The following ATG7 variants were observed in gnomAD, a reference collection of about 807,000 sequenced individuals.
ATG7 encodes autophagy related 7, also known as ubiquitin-like modifier-activating enzyme ATG7.
In ATG7, 70 loss-of-function variants were observed where a neutral mutation model predicts 82.4. That is an observed-to-expected ratio of 0.85 (90% CI 0.70 to 1.04). The LOEUF (loss-of-function observed/expected upper bound fraction) is 1.04, where lower values mean the gene tolerates loss of function less well. Among genes scored for constraint, ATG7 ranks in the 50% least tolerant of loss-of-function variants. The pLI is 0.00. For missense variants in ATG7, 792 were observed against 864.3 expected (o/e 0.92, Z 1.05); for synonymous variants, 287 against 313.0 (o/e 0.92, Z 0.88).
chr3:11,291,154 T>G (rs77117351), intron 3 of ATG7, among the ~76,000 whole-genome samples: 3,024 of 152,318 alleles, frequency 0.02, 101 homozygotes, highest in East Asian at 0.07. Flanking sequence ...CATTTGTCCT[T>G]GAAGAGAAAG....
chr3:11,431,393 A>T (rs374622174), intron 20 of ATG7, among the ~76,000 whole-genome samples: 2 of 152,166 alleles, frequency 1.3e-5, no homozygotes, highest in South Asian at 2.1e-4. Flanking sequence ...CGGGGGGAAA[A>T]AAACAACCAC....
At chr3:11,293,145 C>T (rs1199735429) in intron 3 of ATG7, among the ~76,000 whole-genome samples, 4 of 152,124 alleles carry the variant, frequency 2.6e-5, no homozygotes, top group Admixed American at 2.6e-4. Context: ...TAAGTCCTGG[C>T]TTTAAAGGAC....
intron 20 of ATG7, among the ~76,000 whole-genome samples, chr3:11,441,611 A>C (rs1354956172): frequency 6.6e-6 from 1 of 151,116 alleles, no homozygotes; most frequent in Non-Finnish European, 1.5e-5. Flanking sequence ...TTCTGTACCC[A>C]AATATTGGTT....
chr3:11,556,869 G>A lies in ATG7; in HGVS notation c.*2026G>A, dbSNP rs532083410. 2.0e-5 allele frequency: 3 copies of A among 152,910 alleles called. No individual in the cohort carries two copies. The highest frequency in any genetic ancestry group is 7.2e-5 in the African/African-American group (3 of 41,582). The allele number at this position is 152,910 out of a possible 1,614,324, so 9.5% of individuals were successfully genotyped here. A position where few individuals can be genotyped will look rare whatever the true frequency, so the allele number is the denominator to read the frequency against. ...CCAGTACAGTGGGAGTGAAATGTGT[G>A]CGGGGCAAGGAGAAGGGCTTTTCTT... On this transcript the variant is annotated 3_prime_UTR_variant, in exon 21 of 21. Transcript: ENST00000693202.
chr3:11,472,541 G>T (rs1255478452), intron 20 of ATG7, among the ~76,000 whole-genome samples: 2 of 152,180 alleles, frequency 1.3e-5, no homozygotes, highest in Non-Finnish European at 2.9e-5. Context: ...GAGCCAGGGA[G>T]AAATTGGTGA....
chr3:11,361,241 A>G lies in ATG7; in HGVS notation c.1683+457A>G, dbSNP rs530420147. Among the ~76,000 whole-genome samples the G allele has an allele frequency of 1.2e-4, 19 of 152,230 alleles. No homozygotes were observed. The South Asian group carries it at 3.5e-3, about 28-fold the overall frequency. On this transcript the variant is annotated intron_variant, in intron 16 of 20. Coordinates refer to ENST00000693202, the MANE Select transcript of ATG7 (RefSeq NM_001349232.2). ...GGCTTGTCAGATTTAGTAAGTAAAA[A>G]TATAGGATTCCCAGCTAACTTTGAA...
intron 20 of ATG7, among the ~76,000 whole-genome samples, chr3:11,441,396 C>A (rs1465390933): frequency 9.9e-5 from 15 of 151,958 alleles, no homozygotes; most frequent in Admixed American, 9.8e-4. Context: ...TGCATGCCAC[C>A]ACACCCAGTT....
chr3:11,561,172 G>A (rs946359593), downstream of ATG7, among the ~76,000 whole-genome samples: 2 of 152,138 alleles, frequency 1.3e-5, no homozygotes, highest in African/African-American at 2.4e-5. Flanking sequence ...GTGCTCAGCC[G>A]GCTTGTTCTT....
intron 19 of ATG7, among the ~76,000 whole-genome samples, chr3:11,408,544 G>A (rs745610142): frequency 1.1e-4 from 16 of 152,166 alleles, no homozygotes; most frequent in African/African-American, 1.4e-4. Flanking sequence ...AGACATACCC[G>A]AGACTGGGCA....
intron 20 of ATG7, among the ~76,000 whole-genome samples, chr3:11,432,557 T>C (rs2080437913): frequency 6.6e-6 from 1 of 152,100 alleles, no homozygotes; most frequent in Admixed American, 6.5e-5. Context: ...TGTACACTGC[T>C]TGGGTGACAA....
intron 3 of ATG7, among the ~76,000 whole-genome samples, chr3:11,294,525 A>G (rs1385404425): frequency 1.3e-5 from 2 of 152,152 alleles, no homozygotes; most frequent in Non-Finnish European, 2.9e-5. Flanking sequence ...GCCTGGCCAA[A>G]TCACCTGTTT....
Position 11,362,928 on chromosome 3 carries a change from G to C in ATG7, c.1799G>C (p.Gly600Ala). 1 of 1,613,320 alleles carries C rather than the reference G, an allele frequency of 6.2e-7. No individual in the cohort carries two copies. Among genetic ancestry groups the C allele is most frequent in the Non-Finnish European group, 8.5e-7 (1 of 1,179,612 alleles). Residue 600 changes from glycine to alanine, a missense_variant and splice_region_variant, in exon 17 of 21, where the codon GGG (glycine) becomes GCG (alanine). By Grantham distance (60) the Gly-to-Ala change is moderately conservative. Transcript: ENST00000693202. Reference sequence around the variant, plus strand: ...GTATCTGTTTTGCAGCATCCAGAAGGGTGAGTTTGCTAGTAGGAGATGAGT... The same window carrying C: ...GTATCTGTTTTGCAGCATCCAGAAGCGTGAGTTTGCTAGTAGGAGATGAGT... ...LMVSVLQHPE[G>A]GYAIASSSDD...
intron 19 of ATG7, among the ~76,000 whole-genome samples, chr3:11,421,780 T>G (rs1282026402): frequency 6.6e-6 from 1 of 152,240 alleles, no homozygotes. Flanking sequence ...AAATGTATTT[T>G]TTAAATAATA....
intron 20 of ATG7, among the ~76,000 whole-genome samples, chr3:11,474,937 G>A (rs1264748305): frequency 6.6e-6 from 1 of 152,104 alleles, no homozygotes; most frequent in African/African-American, 2.4e-5. Context: ...AAGTGAGGTT[G>A]GCAATAGAGG....
chr3:11,470,970 G>GT (rs998764058), intron 20 of ATG7, among the ~76,000 whole-genome samples: 3 of 152,124 alleles, frequency 2.0e-5, no homozygotes, highest in African/African-American at 4.8e-5. Flanking sequence ...TGTTTTCAGT[G>GT]TTTTTTGAAT....
chr3:11,555,952 C>T lies in ATG7; in HGVS notation c.*1109C>T, dbSNP rs2072362300. ...TTCGCTTCTCCCAAAGTAGCCAGTC[C>T]AAGTTCCAGTGGCTGTCGTTCAGCT... On this transcript the variant is annotated 3_prime_UTR_variant, in exon 21 of 21. Transcript: ENST00000693202. 1 of 152,658 alleles carries T rather than the reference C, an allele frequency of 6.6e-6. No homozygotes were observed. The highest frequency in any genetic ancestry group is 6.5e-5 in the Admixed American group (1 of 15,286). 9.5% of individuals were successfully genotyped at this position (152,658 alleles called of 1,614,324 possible). A position where few individuals can be genotyped will look rare whatever the true frequency, so the allele number is the denominator to read the frequency against.
chr3:11,442,893 C>T (rs2084138528), intron 20 of ATG7, among the ~76,000 whole-genome samples: 1 of 151,984 alleles, frequency 6.6e-6, no homozygotes, highest in African/African-American at 2.4e-5. Context: ...TTCACTCCAG[C>T]CTGGGCCACA....
chr3:11,377,171 C>G (rs2077482338), intron 18 of ATG7, among the ~76,000 whole-genome samples: 2 of 152,170 alleles, frequency 1.3e-5, no homozygotes, highest in Non-Finnish European at 2.9e-5. Context: ...GAAGTACCCC[C>G]TTAGGAGTCT....
At chr3:11,322,852 A>ATGATAAT (rs1180946323) in intron 9 of ATG7, among the ~76,000 whole-genome samples, 1 of 152,142 alleles carries the variant, frequency 6.6e-6, no homozygotes, top group Non-Finnish European at 1.5e-5. Flanking sequence ...TAATCCCAGC[A>ATGATAAT]CTCTGGGAGA....
Sources: gnomAD v4.1 joint callset for allele counts (sites outside exome capture counted in the v4.1 genomes callset) on GRCh38, gnomAD v4.1.1 for gene constraint, MANE v1.5 for transcripts, NCBI Gene and HGNC (gene_info 2026-07-23, HGNC 2026-07-21) for gene names.